Variants in HECW1 observed in about 807,000 individuals in gnomAD.
The protein encoded by HECW1 is E3 ubiquitin-protein ligase HECW1.
A neutral mutation model predicts 182.3 loss-of-function variants in HECW1; 61 were observed. The observed-to-expected ratio is 0.33, with a 90% CI of 0.27 to 0.41. The LOEUF (loss-of-function observed/expected upper bound fraction) is 0.41. HECW1 is among the 10% of genes least tolerant of loss of function. HECW1 has a pLI of 1.00. For synonymous variants in HECW1, 859 were observed against 832.6 expected (o/e 1.03, Z -0.55); for missense variants, 1,739 against 2,108.9 (o/e 0.82, Z 3.44).
rs779152061 is a variant in HECW1 at position 43,463,699 on chromosome 7, C to G, written c.2691C>G (p.Ser897=). ...NIQRTIATER[S]EEDSGSQSCE... ...AGCGAACCATTGCAACAGAGAGGTC[C>G]GAAGAAGATTCTGGCAGCCAAAGCT... Residue 897 remains serine, a synonymous_variant, in exon 14 of 30, where the codon TCC becomes TCG. Coordinates refer to ENST00000395891, the MANE Select transcript of HECW1 (RefSeq NM_015052.5). 2.5e-6 allele frequency: 4 copies of G among 1,613,770 alleles called. No individual in the cohort carries two copies. The highest frequency in any genetic ancestry group is 1.6e-4 in the Middle Eastern group (1 of 6,084).
intron 24 of HECW1, among the ~76,000 whole-genome samples, chr7:43,513,302 C>A (rs901652561): frequency 1.3e-5 from 2 of 152,204 alleles, no homozygotes; most frequent in African/African-American, 4.8e-5. Context: ...CTGCTCTCCA[C>A]GACGCGTGAA....
At chr7:43,355,357 A>G (rs952950734) in intron 5 of HECW1, among the ~76,000 whole-genome samples, 2 of 152,224 alleles carry the variant, frequency 1.3e-5, no homozygotes, top group Non-Finnish European at 2.9e-5. Context: ...AATTGATCAA[A>G]AACAGTAATA....
intron 2 of HECW1, among the ~76,000 whole-genome samples, chr7:43,144,114 G>A (rs1788451736): frequency 6.6e-6 from 1 of 152,174 alleles, no homozygotes; most frequent in Non-Finnish European, 1.5e-5. Context: ...GAGTTTCTCG[G>A]ACGTTCCTTG....
intron 7 of HECW1, among the ~76,000 whole-genome samples, chr7:43,401,434 GA>G (rs1318701055): frequency 3.9e-5 from 6 of 152,208 alleles, no homozygotes; most frequent in Admixed American, 2.6e-4. Flanking sequence ...AAACTGAACA[GA>G]AACAGTAATA....
intron 5 of HECW1, among the ~76,000 whole-genome samples, chr7:43,358,342 T>A (rs577927908): frequency 5.3e-5 from 8 of 152,160 alleles, no homozygotes; most frequent in Non-Finnish European, 1.2e-4. Flanking sequence ...AGACCTAACA[T>A]GGGGACAACT....
chr7:43,121,373 A>G (rs1245472989), intron 2 of HECW1, among the ~76,000 whole-genome samples: 1 of 152,146 alleles, frequency 6.6e-6, no homozygotes, highest in Non-Finnish European at 1.5e-5. Flanking sequence ...GGAGTGGCCA[A>G]AGTACGCACA....
intron 2 of HECW1, among the ~76,000 whole-genome samples, chr7:43,133,552 A>C (rs1198778124): frequency 6.6e-6 from 1 of 151,700 alleles, no homozygotes; most frequent in Non-Finnish European, 1.5e-5. Flanking sequence ...TTTTTCTTTT[A>C]TAGTTTCCTG....
chr7:43,172,654 T>C (rs1791809454), intron 2 of HECW1, among the ~76,000 whole-genome samples: 1 of 152,226 alleles, frequency 6.6e-6, no homozygotes, highest in Non-Finnish European at 1.5e-5. Flanking sequence ...CAGCCCTTTC[T>C]GCCCTATGTC....
intron 6 of HECW1, chr7:43,377,758 C>G (rs890573485): frequency 4.8e-6 from 1 of 206,966 alleles, no homozygotes; most frequent in African/African-American, 2.3e-5. Context: ...TCTGTGTGCT[C>G]TCTGCCAATG....
chr7:43,425,225 TCACACACACA>T lies in HECW1; in HGVS notation c.802-12764_802-12755del, dbSNP rs61442575. 6.1e-5 allele frequency among the ~76,000 whole-genome samples: 9 copies of T among 147,556 alleles called. No homozygotes were observed. In the South Asian group the frequency reaches 2.0e-3, roughly 32 times the overall value. ...ATATTTTATATATTTACCAAGACAC[TCACACACACA>T]CACACACACACACGTGTACATATAT... On this transcript the variant is annotated intron_variant, in intron 8 of 29. Transcript: ENST00000395891.
chr7:43,221,569 T>G (rs868231027), intron 2 of HECW1, among the ~76,000 whole-genome samples: 650 of 61,382 alleles, frequency 0.011, 27 homozygotes, highest in Admixed American at 0.015. Context: ...TTTTTTTTTT[T>G]TTTTTTTTTT....
At chr7:43,434,259 G>T (rs1190433395) in intron 8 of HECW1, among the ~76,000 whole-genome samples, 1 of 152,204 alleles carries the variant, frequency 6.6e-6, no homozygotes, top group East Asian at 1.9e-4. Flanking sequence ...GTAAACTTAA[G>T]AAAGTTCAAT....
intron 14 of HECW1, among the ~76,000 whole-genome samples, chr7:43,465,641 T>C (rs74970364): frequency 6.6e-6 from 1 of 152,202 alleles, no homozygotes; most frequent in Non-Finnish European, 1.5e-5. Flanking sequence ...GAAGTCCCAA[T>C]ACAACTGGGT....
chr7:43,201,062 G>A (rs1007825867), intron 2 of HECW1, among the ~76,000 whole-genome samples: 1 of 152,192 alleles, frequency 6.6e-6, no homozygotes, highest in Non-Finnish European at 1.5e-5. Context: ...TTGTGATAGG[G>A]GAGGTGTGTG....
intron 10 of HECW1, among the ~76,000 whole-genome samples, chr7:43,443,707 CTG>C (rs1396491384): frequency 4.6e-5 from 7 of 152,192 alleles, no homozygotes; most frequent in Admixed American, 2.6e-4. Context: ...TATTGAATGA[CTG>C]TGATTGTTCC....
At chr7:43,557,293 C>T (rs2082060371) in intron 29 of HECW1, among the ~76,000 whole-genome samples, 1 of 152,168 alleles carries the variant, frequency 6.6e-6, no homozygotes, top group Non-Finnish European at 1.5e-5. Context: ...CAGCCTTCAG[C>T]TCTTTCCTCA....
intron 3 of HECW1, among the ~76,000 whole-genome samples, chr7:43,248,007 AAGAG>A (rs138835049): frequency 0.029 from 3,385 of 118,204 alleles, 164 homozygotes; most frequent in African/African-American, 0.1. Flanking sequence ...GAAGGAAAGA[AAGAG>A]AGAAAGAAGA....
At position 43,254,364 on chromosome 7, in the gene HECW1, ACT is replaced by A. The variant is rs369044778; in HGVS notation, c.27+10435_27+10436del. Among the ~76,000 whole-genome samples, 444 of 152,238 alleles carry A rather than the reference ACT, an allele frequency of 2.9e-3. 4 individuals are homozygous for A. The highest frequency in any genetic ancestry group is 0.01 in the African/African-American group (432 of 41,540). On this transcript the variant is annotated intron_variant, in intron 3 of 29. Coordinates refer to ENST00000395891, the MANE Select transcript of HECW1 (RefSeq NM_015052.5). ...AGAAGAAATATGGCATGGCCCAGTA[ACT>A]CTATATTGTAGCACTTGTATTTGCA...
intron 21 of HECW1, among the ~76,000 whole-genome samples, chr7:43,503,419 T>C (rs1265922703): frequency 6.6e-6 from 1 of 152,220 alleles, no homozygotes; most frequent in African/African-American, 2.4e-5. Context: ...CAGACTTTGA[T>C]ACTAGACTAT....
Sources: allele counts gnomAD v4.1 joint callset (sites outside exome capture counted in the v4.1 genomes callset), GRCh38; gene constraint gnomAD v4.1.1; transcripts MANE v1.5; gene names NCBI Gene and HGNC (gene_info 2026-07-23, HGNC 2026-07-21).